Variants in ASTN2 observed in about 807,000 individuals in gnomAD.
ASTN2 encodes the protein astrotactin-2.
Under a neutral mutation model 139.8 loss-of-function variants are expected in ASTN2, and 54 were observed. The observed-to-expected ratio is 0.39, with a 90% CI of 0.31 to 0.48. The LOEUF is 0.48. Among genes scored for constraint, ASTN2 ranks in the 20% least tolerant of loss-of-function variants. The pLI is 0.95. For missense variants in ASTN2, 1,565 were observed against 1,725.1 expected (o/e 0.91, Z 1.64); for synonymous variants, 756 against 719.5 (o/e 1.05, Z -0.81).
chr9:116,672,761 T>C (rs1859275040), intron 16 of ASTN2, among the ~76,000 whole-genome samples: 1 of 152,210 alleles, frequency 6.6e-6, no homozygotes, highest in Admixed American at 6.5e-5. Flanking sequence ...TACCAAGAAT[T>C]GTTTCAAAAT....
chr9:117,294,328 A>G (rs1457483089), intron 1 of ASTN2, among the ~76,000 whole-genome samples: 1 of 152,282 alleles, frequency 6.6e-6, no homozygotes, highest in Non-Finnish European at 1.5e-5. Context: ...TGATAATAAC[A>G]GTGTGTGAAA....
chr9:116,551,863 C>G (rs1328838174), intron 19 of ASTN2, among the ~76,000 whole-genome samples: 1 of 152,176 alleles, frequency 6.6e-6, no homozygotes, highest in African/African-American at 2.4e-5. Context: ...CTTTTAGTCT[C>G]AGATTCTCAG....
At chr9:116,808,374 C>T (rs1344060750) in intron 12 of ASTN2, among the ~76,000 whole-genome samples, 2 of 151,900 alleles carry the variant, frequency 1.3e-5, no homozygotes, top group African/African-American at 2.4e-5. Context: ...TTTATATAAA[C>T]ACACATATGC....
At chr9:117,335,197 A>C (rs1828845197) in intron 1 of ASTN2, among the ~76,000 whole-genome samples, 1 of 152,148 alleles carries the variant, frequency 6.6e-6, no homozygotes, top group African/African-American at 2.4e-5. Context: ...TTACATGTTT[A>C]TTGTCAGTTT....
chr9:117,405,984 G>T (rs1290935555), intron 1 of ASTN2, among the ~76,000 whole-genome samples: 1 of 152,192 alleles, frequency 6.6e-6, no homozygotes, highest in Non-Finnish European at 1.5e-5. Flanking sequence ...GGGATGGATA[G>T]TGTTTAGGCT....
At chr9:116,708,308 T>C (rs1436812417) in intron 16 of ASTN2, among the ~76,000 whole-genome samples, 1 of 152,220 alleles carries the variant, frequency 6.6e-6, no homozygotes, top group African/African-American at 2.4e-5. Flanking sequence ...GGCTCCCATA[T>C]CAAATATTAT....
At chr9:116,914,137 TAGA>T (rs1834383106) in intron 10 of ASTN2, among the ~76,000 whole-genome samples, 1 of 151,474 alleles carries the variant, frequency 6.6e-6, no homozygotes, top group Non-Finnish European at 1.5e-5. Flanking sequence ...AGGATATGGC[TAGA>T]AGAACTCGTG....
At chr9:116,818,054 T>TAA (rs56278080) in intron 12 of ASTN2, among the ~76,000 whole-genome samples, 2 of 151,324 alleles carry the variant, frequency 1.3e-5, no homozygotes, top group African/African-American at 4.9e-5. Context: ...GTGCTTTTTT[T>TAA]AAAAAAAAAA....
At chr9:117,021,659 CTGGCCA>C (rs1837884340) in intron 6 of ASTN2, among the ~76,000 whole-genome samples, 1 of 152,256 alleles carries the variant, frequency 6.6e-6, no homozygotes. Context: ...TATTCACGTT[CTGGCCA>C]TGCCACTAAC....
In ASTN2 at chr9:116,669,952, G is replaced by A. The variant is rs182728549; in HGVS notation, c.2807-18159C>T. On this transcript the variant is annotated intron_variant, in intron 16 of 22. Transcript: ENST00000313400. ...CCCACGTAGCTGGGATTACAGGCAC[G>A]TGCCACCACGCCCAGCTAATTTTTG... Among the ~76,000 whole-genome samples the A allele has an allele frequency of 2.8e-3, 424 of 151,844 alleles. 3 individuals are homozygous for A. The highest frequency in any genetic ancestry group is 9.0e-3 in the African/African-American group (372 of 41,410).
intron 22 of ASTN2, among the ~76,000 whole-genome samples, chr9:116,436,110 A>G (rs1847641656): frequency 6.6e-6 from 1 of 152,238 alleles, no homozygotes; most frequent in African/African-American, 2.4e-5. Flanking sequence ...TTTAGCCCCC[A>G]GCACACGGCC....
At chr9:116,451,192 C>T (rs1452042909) in intron 20 of ASTN2, among the ~76,000 whole-genome samples, 1 of 152,220 alleles carries the variant, frequency 6.6e-6, no homozygotes, top group Non-Finnish European at 1.5e-5. Flanking sequence ...GTTCTGACTG[C>T]TAAATCCCCT....
intron 13 of ASTN2, among the ~76,000 whole-genome samples, chr9:116,784,401 G>A (rs553983441): frequency 6.6e-6 from 1 of 152,308 alleles, no homozygotes; most frequent in African/African-American, 2.4e-5. Flanking sequence ...CTGGTCCACA[G>A]ACATGTTCAG....
At chr9:116,734,828 A>C (rs1342236642) in intron 13 of ASTN2, among the ~76,000 whole-genome samples, 1 of 152,150 alleles carries the variant, frequency 6.6e-6, no homozygotes, top group Non-Finnish European at 1.5e-5. Context: ...GAAGCTCATC[A>C]TCAATTCATC....
chr9:117,199,313 G>A (rs536904956), intron 3 of ASTN2, among the ~76,000 whole-genome samples: 3 of 152,164 alleles, frequency 2.0e-5, no homozygotes, highest in East Asian at 1.9e-4. Context: ...TTTGTATAAG[G>A]TGTAAGGAAG....
chr9:116,977,862 A>C (rs1836395133), intron 7 of ASTN2, among the ~76,000 whole-genome samples: 1 of 151,578 alleles, frequency 6.6e-6, no homozygotes. Flanking sequence ...GATTACAGGC[A>C]TGCACCACCA....
chr9:116,803,548 G>T (rs1340306956), intron 13 of ASTN2, among the ~76,000 whole-genome samples: 1 of 108,104 alleles, frequency 9.3e-6, no homozygotes, highest in Non-Finnish European at 2.0e-5. Context: ...TTTTTTAGAC[G>T]GAGTCTCACT....
intron 6 of ASTN2, among the ~76,000 whole-genome samples, chr9:117,016,626 A>ATCTATC (rs1480184259): frequency 5.1e-5 from 1 of 19,482 alleles, no homozygotes; most frequent in African/African-American, 1.4e-4. Flanking sequence ...CTATCTATCT[A>ATCTATC]TATATATATA....
At chr9:117,094,144 GAGGGAGGGAGAAAGGGAGGA>G (rs1828777852) in intron 5 of ASTN2, among the ~76,000 whole-genome samples, 1 of 48,294 alleles carries the variant, frequency 2.1e-5, no homozygotes, top group Admixed American at 1.8e-4. Context: ...CTAAGGGAGG[GAGGGAGGGAGAAAGGGAGGA>G]AGGGAGGAAG....
Sources: allele counts gnomAD v4.1 joint callset (sites outside exome capture counted in the v4.1 genomes callset), GRCh38; gene constraint gnomAD v4.1.1; transcripts MANE v1.5; gene names NCBI Gene and HGNC (gene_info 2026-07-23, HGNC 2026-07-21).